Variants in ZNF423 observed in about 807,000 individuals in gnomAD.
ZNF423 encodes the protein Ebf-associated zinc finger protein.
A neutral mutation model predicts 95.8 loss-of-function variants in ZNF423; 12 were observed. That is an observed-to-expected ratio of 0.13 (90% CI 0.08 to 0.20). The LOEUF (loss-of-function observed/expected upper bound fraction) is 0.20. Among genes scored for constraint, ZNF423 ranks in the 10% least tolerant of loss-of-function variants. The pLI is 1.00. For synonymous variants in ZNF423, 749 were observed against 711.9 expected (o/e 1.05, Z -0.83); for missense variants, 1,316 against 1,737.1 (o/e 0.76, Z 4.31).
At chr16:49,523,885 A>G in intron 6 of ZNF423, 146 bp from the exon 7 acceptor site, 1 of 663,024 alleles carries the variant, frequency 1.5e-6, no homozygotes, top group Non-Finnish European at 2.7e-6. Context: ...TGTTCTTAGC[A>G]CATACTAGAG....
In ZNF423 at chr16:49,635,131, A is replaced by C. The variant is rs1309411557; in HGVS notation, c.3516+529T>G. ...GTACCAGCTGGTGATGACAGCCAGC[A>C]CCACTGAGCCATGAGTGCTGGGCTC... On this transcript the variant is annotated intron_variant, in intron 4 of 7. Transcript: ENST00000563137. This position sits in a 1 kb window ranked among gnomAD's most constrained non-coding sequence, Gnocchi z 4.8. 6.6e-6 allele frequency among the ~76,000 whole-genome samples: 1 copy of C among 152,232 alleles called. No individual in the cohort carries two copies. The highest frequency in any genetic ancestry group is 1.5e-5 in the Non-Finnish European group (1 of 68,038).
At chr16:49,816,227 A>C (rs925232778) in intron 1 of ZNF423, among the ~76,000 whole-genome samples, 83 of 152,092 alleles carry the variant, frequency 5.5e-4, no homozygotes, top group African/African-American at 1.9e-3. Flanking sequence ...CCAAAAACAA[A>C]TTTTAATCCT....
chr16:49,607,279 A>G (rs966438669), intron 5 of ZNF423, among the ~76,000 whole-genome samples: 58 of 152,004 alleles, frequency 3.8e-4, no homozygotes, highest in African/African-American at 1.3e-3. Flanking sequence ...GCAGCCCTGC[A>G]TAACAGGCCA....
At chr16:49,664,212 A>G (rs1483846827) in intron 3 of ZNF423, 1 of 985,206 alleles carries the variant, frequency 1.0e-6, no homozygotes, top group East Asian at 1.1e-4. Context: ...GGCGCTTCCC[A>G]CCGGCCCACT....
At position 49,696,636 on chromosome 16, in the gene ZNF423, G is replaced by A. The variant is rs991320408; in HGVS notation, c.301+34135C>T. Among the ~76,000 whole-genome samples the A allele has an allele frequency of 7.2e-5, 11 of 152,150 alleles. No homozygotes were observed. The East Asian group carries it at 1.9e-3, about 27-fold the overall frequency. On this transcript the variant is annotated intron_variant, in intron 3 of 7. Coordinates refer to ENST00000563137, the MANE Select transcript of ZNF423 (RefSeq NM_001379286.1). ...AACCCTGGGCCACAGAGGCTGTGACGGCACCTACCCACCCCCACCCGGCTA... is the reference window on the plus strand; with the variant it reads ...AACCCTGGGCCACAGAGGCTGTGACAGCACCTACCCACCCCCACCCGGCTA...
At chr16:49,795,314 C>T (rs1360121753) in intron 1 of ZNF423, among the ~76,000 whole-genome samples, 1 of 152,200 alleles carries the variant, frequency 6.6e-6, no homozygotes. Flanking sequence ...TGTCCCCACC[C>T]CATCACACTA....
intron 5 of ZNF423, among the ~76,000 whole-genome samples, chr16:49,616,815 T>C (rs1457762693): frequency 6.6e-6 from 1 of 152,166 alleles, no homozygotes; most frequent in Non-Finnish European, 1.5e-5. Context: ...CACTGACATC[T>C]GGTATATAGG....
intron 5 of ZNF423, among the ~76,000 whole-genome samples, chr16:49,601,602 A>T (rs1176649202): frequency 3.3e-5 from 5 of 152,216 alleles, no homozygotes; most frequent in Admixed American, 3.3e-4. Context: ...GACAGGCTGG[A>T]GTCCAGGCTG....
chr16:49,740,988 G>A (rs1007513148), intron 2 of ZNF423, among the ~76,000 whole-genome samples: 3 of 152,076 alleles, frequency 2.0e-5, no homozygotes, highest in African/African-American at 7.2e-5. Context: ...TTTTACAGAC[G>A]GCAAAACTGA....
intron 3 of ZNF423, among the ~76,000 whole-genome samples, chr16:49,721,650 C>A (rs908485246): frequency 6.6e-6 from 1 of 152,094 alleles, no homozygotes. Context: ...TCGTGCCAGG[C>A]GCCACACTGG....
At chr16:49,621,351 G>A (rs1026918657) in intron 5 of ZNF423, among the ~76,000 whole-genome samples, 1 of 152,130 alleles carries the variant, frequency 6.6e-6, no homozygotes, top group African/African-American at 2.4e-5. Flanking sequence ...AAAGACCCTC[G>A]CCTTTCTATC....
At chr16:49,503,232 A>C (rs959785805) in intron 7 of ZNF423, among the ~76,000 whole-genome samples, 3 of 152,174 alleles carry the variant, frequency 2.0e-5, no homozygotes, top group African/African-American at 7.2e-5. Flanking sequence ...CCCAGGACGC[A>C]AGGGCCCCTT....
intron 4 of ZNF423, among the ~76,000 whole-genome samples, chr16:49,627,995 T>C (rs779760139): frequency 6.8e-6 from 1 of 148,142 alleles, no homozygotes; most frequent in African/African-American, 2.5e-5. Flanking sequence ...CCATCCTCCA[T>C]CTACCTATCC....
At chr16:49,573,714 T>C (rs1387709894) in intron 5 of ZNF423, among the ~76,000 whole-genome samples, 2 of 152,108 alleles carry the variant, frequency 1.3e-5, no homozygotes, top group African/African-American at 2.4e-5. Context: ...CACATGAAAT[T>C]TGGGGGACAC....
At position 49,840,458 on chromosome 16, in the gene ZNF423, C is replaced by T. The variant is rs2035171128; in HGVS notation, c.40+15277G>A. Among the ~76,000 whole-genome samples the T allele has an allele frequency of 2.0e-5, 3 of 152,150 alleles. No individual in the cohort carries two copies. In the South Asian group the frequency reaches 6.2e-4, roughly 32 times the overall value. ...CTGAATCTTAGAAAGGAAGAACTTG[C>T]TTCTTTCTCGTTACAGGGTCAGGTT... is the stretch of plus-strand genomic sequence containing the variant. On this transcript the variant is annotated intron_variant, in intron 1 of 7. Transcript: ENST00000563137.
intron 1 of ZNF423, among the ~76,000 whole-genome samples, chr16:49,836,276 C>A (rs2035119177): frequency 6.6e-6 from 1 of 152,120 alleles, no homozygotes; most frequent in African/African-American, 2.4e-5. Flanking sequence ...CTCAAATGTC[C>A]CAGGACTTGG....
intron 2 of ZNF423, among the ~76,000 whole-genome samples, chr16:49,744,696 G>A (rs1251737861): frequency 6.6e-6 from 1 of 152,184 alleles, no homozygotes; most frequent in Non-Finnish European, 1.5e-5. Flanking sequence ...GACATGGGGG[G>A]ATTAGCCACA....
chr16:49,642,968 A>G (rs2151893838), intron 3 of ZNF423, among the ~76,000 whole-genome samples: 1 of 151,946 alleles, frequency 6.6e-6, no homozygotes, highest in East Asian at 1.9e-4. Flanking sequence ...TTACAGGCAC[A>G]TGTCACCATG....
intron 5 of ZNF423, among the ~76,000 whole-genome samples, chr16:49,552,799 G>A (rs1597092636): frequency 2.6e-5 from 4 of 152,068 alleles, no homozygotes; most frequent in African/African-American, 7.2e-5. Flanking sequence ...GTAGGCTCTT[G>A]CTCAGAGGCC....
Sources: gnomAD v4.1 joint callset for allele counts (sites outside exome capture counted in the v4.1 genomes callset) on GRCh38, gnomAD v4.1.1 for gene constraint, Gnocchi (gnomAD v3.1) non-coding constraint, MANE v1.5 for transcripts, NCBI Gene and HGNC (gene_info 2026-07-23, HGNC 2026-07-21) for gene names.